The following N4BP2 variants were observed in gnomAD, a reference collection of about 807,000 sequenced individuals.
N4BP2 encodes the protein NEDD4 binding protein 2.
In N4BP2, 91 loss-of-function variants were observed where a neutral mutation model predicts 152.8. The observed-to-expected ratio is 0.60, with a 90% confidence interval of 0.50 to 0.71. The LOEUF (loss-of-function observed/expected upper bound fraction) is 0.71. Among genes scored for constraint, N4BP2 ranks in the 30% least tolerant of loss-of-function variants. The pLI is 0.00. For missense variants in N4BP2, 1,923 were observed against 2,059.1 expected, an observed-to-expected ratio of 0.93 and a Z score of 1.28; for synonymous variants, 646 against 705.3, an observed-to-expected ratio of 0.92 and a Z score of 1.33.
In N4BP2 at chr4:40,103,225, G is replaced by A. The variant is rs1173074633; in HGVS notation, c.1373+7G>A. The A allele has an allele frequency of 6.4e-7, 1 of 1,573,870 alleles. No individual in the cohort carries two copies. The highest frequency in any genetic ancestry group is 2.0e-5 in the Admixed American group (1 of 50,372). On this transcript the variant is annotated splice_region_variant and intron_variant, in intron 4 of 17. Coordinates refer to ENST00000261435, the MANE Select transcript of N4BP2 (RefSeq NM_018177.6). ...GAAAATCTTTTTTGGCAAGGTATGA[G>A]GTTTGATTGGGTTTTTAAAAAATAG...
chr4:40,106,801 T>G, intron 4 of N4BP2, 99 bp from the exon 5 acceptor site: 1 of 1,134,718 alleles, frequency 8.8e-7, no homozygotes, highest in Non-Finnish European at 1.3e-6. Flanking sequence ...CACAAAATGA[T>G]AGTACTTGAA....
chr4:40,130,715 T>G (rs1030002929), intron 12 of N4BP2, among the ~76,000 whole-genome samples: 2 of 152,188 alleles, frequency 1.3e-5, no homozygotes, highest in African/African-American at 4.8e-5. Context: ...GTTGCCAGGT[T>G]GGTCTTGAAC....
At chr4:40,138,803 G>A (rs754692963) in intron 14 of N4BP2, among the ~76,000 whole-genome samples, 7 of 152,070 alleles carry the variant, frequency 4.6e-5, no homozygotes, top group Non-Finnish European at 8.8e-5. Context: ...TGATTACTGC[G>A]GCTTCTTGAT....
At chr4:40,186,541 G>C in the N4BP2 span, among the ~76,000 whole-genome samples, 1 of 152,202 alleles carries the variant, frequency 6.6e-6, no homozygotes, top group Non-Finnish European at 1.5e-5. Context: ...AACAGGCCAC[G>C]GGTGGGTACT....
chr4:40,087,237 G>A (rs1714063802), intron 2 of N4BP2, among the ~76,000 whole-genome samples: 1 of 151,246 alleles, frequency 6.6e-6, no homozygotes, highest in South Asian at 2.1e-4. Context: ...TTCCTCTTAT[G>A]TTTCTTTCCT....
chr4:40,070,848 G>A (rs1359362549), intron 1 of N4BP2, among the ~76,000 whole-genome samples: 12 of 151,064 alleles, frequency 7.9e-5, no homozygotes, highest in Admixed American at 2.6e-4. Context: ...TTTTTGAGAG[G>A]AAGTCTTGCT....
Position 40,097,512 on chromosome 4 carries a change from T to C in N4BP2, c.172T>C (p.Phe58Leu), listed in dbSNP as rs910318751. Residue 58 changes from phenylalanine to leucine, a missense_variant, in exon 3 of 18, where the codon TTT becomes CTT. Physicochemically the swap from Phe to Leu is conservative, Grantham distance 22. Coordinates refer to ENST00000261435, the MANE Select transcript of N4BP2 (RefSeq NM_018177.6). Reference sequence around the variant, plus strand: ...ACTCTTCACCAGTATCTCAGAGATATTTTCTGATCTGGATCCTGATGTAGT... The same window carrying C: ...ACTCTTCACCAGTATCTCAGAGATACTTTCTGATCTGGATCCTGATGTAGT... ...EELFTSISEI[F>L]SDLDPDVVYL... 2 of 1,613,788 alleles carry C rather than the reference T, an allele frequency of 1.2e-6. No individual in the cohort carries two copies. Among genetic ancestry groups the C allele is most frequent in the African/African-American group, 2.7e-5 (2 of 74,910 alleles).
chr4:40,097,950 A>G (rs1470821725), intron 3 of N4BP2, among the ~76,000 whole-genome samples: 4 of 152,160 alleles, frequency 2.6e-5, no homozygotes, highest in South Asian at 2.1e-4. Flanking sequence ...CTAGATGCCA[A>G]TAGCTCCTTA....
chr4:40,085,079 A>G (rs928886993), intron 2 of N4BP2, among the ~76,000 whole-genome samples: 6 of 150,640 alleles, frequency 4.0e-5, no homozygotes, highest in African/African-American at 1.5e-4. Context: ...CGCCCAGCTA[A>G]TTTTTATATT....
In N4BP2 at chr4:40,121,551, G is replaced by T. The variant is rs752477260; in HGVS notation, c.3440G>T (p.Gly1147Val). Residue 1147 changes from glycine to valine, a missense_variant, in exon 9 of 18, where the codon GGA (glycine) becomes GTA (valine). Transcript: ENST00000261435. The part of the protein sequence containing the change: ...EFENFQKSCD[G>V]SQIGPFSLGL... The stretch of plus-strand genomic sequence containing the variant: ...GAGAATTTCCAAAAATCGTGTGATG[G>T]ATCACAAATTGGGCCTTTTTCTCTG... 6.2e-7 allele frequency: 1 copy of T among 1,614,114 alleles called. No homozygotes were observed.
Position 40,155,970 on chromosome 4 carries a change from AATTT to A in N4BP2, c.*1739_*1742del, listed in dbSNP as rs879832434. ...TATTATTCACACTTATGTTTGTAAT[AATTT>A]ATTTAAAGAATGCCAACAGTTTAGC... is the stretch of plus-strand genomic sequence containing the variant. On this transcript the variant is annotated 3_prime_UTR_variant, in exon 18 of 18. Transcript: ENST00000261435. 2 of 152,350 alleles carry A rather than the reference AATTT, an allele frequency of 1.3e-5. No individual in the cohort carries two copies. Among genetic ancestry groups the A allele is most frequent in the East Asian group, 1.9e-4 (1 of 5,190 alleles). The allele number at this position is 152,350 out of a possible 1,614,324, so 9.4% of individuals were successfully genotyped here.
At chr4:40,116,525 A>T (rs1053545229) in intron 7 of N4BP2, among the ~76,000 whole-genome samples, 2 of 152,140 alleles carry the variant, frequency 1.3e-5, no homozygotes, top group Non-Finnish European at 2.9e-5. Flanking sequence ...AAGTCAAACC[A>T]TTTTCTTGGC....
intron 4 of N4BP2, among the ~76,000 whole-genome samples, chr4:40,105,911 T>A (rs774053126): frequency 3.3e-5 from 5 of 152,124 alleles, no homozygotes; most frequent in Non-Finnish European, 7.4e-5. Flanking sequence ...AAAGGAAGTG[T>A]CAGAGAAGGG....
intron 1 of N4BP2, among the ~76,000 whole-genome samples, chr4:40,064,602 C>T (rs1733900675): frequency 6.6e-6 from 1 of 151,972 alleles, no homozygotes; most frequent in African/African-American, 2.4e-5. Flanking sequence ...CTCTTGTTTG[C>T]TAAATAAAAC....
intron 17 of N4BP2, 138 bp downstream of exon 17, chr4:40,153,041 C>A: frequency 1.6e-6 from 1 of 637,688 alleles, no homozygotes; most frequent in Non-Finnish European, 2.5e-6. Flanking sequence ...TAATAGCGTA[C>A]TCAGAACAAT....
Position 40,120,683 on chromosome 4 carries a change from G to A in N4BP2, c.2572G>A (p.Asp858Asn), listed in dbSNP as rs977812743. 1 of 1,614,080 alleles carries A rather than the reference G, an allele frequency of 6.2e-7. No individual in the cohort carries two copies. Among genetic ancestry groups the A allele is most frequent in the Admixed American group, 1.7e-5 (1 of 60,002 alleles). ...GGATGGCAGAAAGTCACAGTGTGAT[G>A]ATGCTTCAGAGCCACTCAATAGCTA... ...VEDGRKSQCDDASEPLNSYKY... is the reference protein window; with the variant it reads ...VEDGRKSQCDNASEPLNSYKY... Residue 858 changes from aspartate (D) to asparagine (N), a missense_variant, in exon 9 of 18, where the codon GAT becomes AAT. Asp to Asn is a conservative substitution (Grantham distance 23). Coordinates refer to ENST00000261435, the MANE Select transcript of N4BP2 (RefSeq NM_018177.6).
chr4:40,155,784 A>G lies in N4BP2; in HGVS notation c.*1547A>G, dbSNP rs1333193892. 6.6e-6 allele frequency: 1 copy of G among 152,236 alleles called. No individual in the cohort carries two copies. Among genetic ancestry groups the G allele is most frequent in the African/African-American group, 2.4e-5 (1 of 41,468 alleles). The allele number at this position is 152,236 out of a possible 1,614,324, so 9.4% of individuals were successfully genotyped here. ...ATCCTAAAGTACAGAATGGTTTTCCAAAAGAGCAGACATTTCAATGAAAAT... is the reference window on the plus strand; with the variant it reads ...ATCCTAAAGTACAGAATGGTTTTCCGAAAGAGCAGACATTTCAATGAAAAT... On this transcript the variant is annotated 3_prime_UTR_variant, in exon 18 of 18. Transcript: ENST00000261435.
At chr4:40,130,555 G>A (rs1224936917) in intron 12 of N4BP2, among the ~76,000 whole-genome samples, 1 of 151,744 alleles carries the variant, frequency 6.6e-6, no homozygotes, top group Non-Finnish European at 1.5e-5. Flanking sequence ...TCACTCTGTT[G>A]TCCAGCCTGG....
intron 14 of N4BP2, 89 bp from the exon 15 acceptor site, chr4:40,142,584 C>T: frequency 1.2e-6 from 1 of 816,484 alleles, no homozygotes; most frequent in Non-Finnish European, 2.0e-6. Context: ...TACGACAGCC[C>T]AGTTTTCATG....
Sources: gnomAD v4.1 joint callset for allele counts (sites outside exome capture counted in the v4.1 genomes callset) on GRCh38, gnomAD v4.1.1 for gene constraint, MANE v1.5 for transcripts, NCBI Gene and HGNC (gene_info 2026-07-23, HGNC 2026-07-21) for gene names.